Variants in RARS1 observed in about 807,000 individuals in gnomAD.
The protein encoded by RARS1 is arginyl-tRNA synthetase 1.
Under a neutral mutation model 78.7 loss-of-function variants are expected in RARS1, and 75 were observed. The ratio of observed to expected loss-of-function variants is 0.95; its 90% confidence interval spans 0.79 to 1.15. The LOEUF (loss-of-function observed/expected upper bound fraction) is 1.15, where lower values mean the gene tolerates loss of function less well. RARS1 is among the 50% of genes most tolerant of loss of function. The pLI, the probability that RARS1 is intolerant of heterozygous loss-of-function variation, is 0.00. For synonymous variants in RARS1, 273 were observed against 268.2 expected, an observed-to-expected ratio of 1.02 and a Z score of -0.18; for missense variants, 787 against 787.5, an observed-to-expected ratio of 1.00 and a Z score of 0.01.
chr5:168,496,045 T>TC (rs1480342866), intron 6 of RARS1, among the ~76,000 whole-genome samples: 1 of 152,092 alleles, frequency 6.6e-6, no homozygotes, highest in Non-Finnish European at 1.5e-5. Flanking sequence ...ATTACTCTGG[T>TC]TACTTACTGT....
At position 168,517,977 on chromosome 5, in the gene RARS1, T is replaced by A. The variant is rs768219879; in HGVS notation, c.1788T>A (p.Thr596=). ...TTTTAGATGACTTATTTCTCCACACTCTCTGTGATTATATATATGAGCTGG... is the reference window on the plus strand; with the variant it reads ...TTTTAGATGACTTATTTCTCCACACACTCTGTGATTATATATATGAGCTGG... ...QKILDDLFLH[T]LCDYIYELAT... is the part of the protein sequence containing the mutation. Residue 596 remains threonine, a synonymous_variant, in exon 14 of 15, where the codon ACT becomes ACA. Coordinates refer to ENST00000231572, the MANE Select transcript of RARS1 (RefSeq NM_002887.4). 6.2e-7 allele frequency: 1 copy of A among 1,612,874 alleles called. No individual in the cohort carries two copies. The highest frequency in any genetic ancestry group is 8.5e-7 in the Non-Finnish European group (1 of 1,179,502).
At chr5:168,509,751 C>G (rs894509286) in intron 11 of RARS1, among the ~76,000 whole-genome samples, 1 of 151,172 alleles carries the variant, frequency 6.6e-6, no homozygotes, top group Non-Finnish European at 1.5e-5. Context: ...GGGAGGATCA[C>G]TTGAGACCAG....
Position 168,495,319 on chromosome 5 carries a change from T to C in RARS1, c.584T>C (p.Ile195Thr), listed in dbSNP as rs1181756482. 6.2e-7 allele frequency: 1 copy of C among 1,613,802 alleles called. No individual in the cohort carries two copies. The highest frequency in any genetic ancestry group is 1.1e-5 in the South Asian group (1 of 91,058). The change falls in exon 6 of 15, where the codon ATA becomes ACA. Residue 195 changes from isoleucine (I) to threonine (T), a missense_variant. Coordinates refer to ENST00000231572, the MANE Select transcript of RARS1 (RefSeq NM_002887.4). ...TTCTCTTTTTGTCTACCCCAGGTTATAGTTGACTTTTCCTCCCCTAATATA... is the reference window on the plus strand; with the variant it reads ...TTCTCTTTTTGTCTACCCCAGGTTACAGTTGACTTTTCCTCCCCTAATATA... ...LPALGENKKV[I>T]VDFSSPNIAK...
rs571921845 is a variant in RARS1 at position 168,518,529 on chromosome 5, A to AC, written c.1873+467_1873+468insC. On this transcript the variant is annotated intron_variant, in intron 14 of 14. Coordinates refer to ENST00000231572, the MANE Select transcript of RARS1 (RefSeq NM_002887.4). The stretch of plus-strand genomic sequence containing the variant: ...CAATTGGAAGATGACTGAGAGTAGG[A>AC]TTTTTCCAACAAACACAATGTGTTT... 3.0e-4 allele frequency among the ~76,000 whole-genome samples: 45 copies of AC among 152,182 alleles called. No homozygotes were observed. The East Asian group carries it at 8.1e-3, about 27-fold the overall frequency.
chr5:168,516,801 T>C lies in RARS1; in HGVS notation c.1476T>C (p.Asn492=). The part of the protein sequence containing the change: ...RDKVLTAEEL[N]AAQTSVAYGC... ...AGGTCTTAACTGCAGAGGAATTGAA[T>C]GCTGCTCAGACATCCGTTGCGTATG... The change falls in exon 13 of 15, where the codon AAT becomes AAC. Residue 492 remains asparagine, a synonymous_variant. Transcript: ENST00000231572. 2 of 1,614,192 alleles carry C rather than the reference T, an allele frequency of 1.2e-6. No homozygotes were observed. Among genetic ancestry groups the C allele is most frequent in the Non-Finnish European group, 1.7e-6 (2 of 1,180,038 alleles).
At position 168,507,003 on chromosome 5, in the gene RARS1, A is replaced by G. The variant is rs113378496; in HGVS notation, c.1346+172A>G. 1.9e-4 allele frequency among the ~76,000 whole-genome samples: 29 copies of G among 152,320 alleles called. 1 individual carries two copies. The highest frequency in any genetic ancestry group is 6.5e-4 in the African/African-American group (27 of 41,578). On this transcript the variant is annotated intron_variant, in intron 11 of 14. Transcript: ENST00000231572. The stretch of plus-strand genomic sequence containing the variant: ...GTATCTATATCATCACTGCCAGGGA[A>G]TGTAGCCTTTTAGGTAGATAGTATG...
At chr5:168,518,083 T>TTTTTTTTTTTTTA in intron 14 of RARS1, 21 bp downstream of exon 14, 1 of 1,426,426 alleles carries the variant, frequency 7.0e-7, no homozygotes, top group Non-Finnish European at 9.1e-7. Flanking sequence ...TTTTTTTTTT[T>TTTTTTTTTTTTTA]TTTTTTTTTT....
At position 168,500,716 on chromosome 5, in the gene RARS1, C is replaced by T; in HGVS notation, c.948C>T (p.Arg316=). 1 of 1,610,264 alleles carries T rather than the reference C, an allele frequency of 6.2e-7. No individual in the cohort carries two copies. The highest frequency in any genetic ancestry group is 1.1e-5 in the South Asian group (1 of 90,342). ...KAWKLICDVS[R]QELNKIYDAL... Reference sequence around the variant, plus strand: ...GGAAGCTTATCTGTGATGTCTCCCGCCAAGGTGAGTTTCTGGGCTTTGTTC... The same window carrying T: ...GGAAGCTTATCTGTGATGTCTCCCGTCAAGGTGAGTTTCTGGGCTTTGTTC... Residue 316 remains arginine, a synonymous_variant, in exon 8 of 15, where the codon CGC becomes CGT. Coordinates refer to ENST00000231572, the MANE Select transcript of RARS1 (RefSeq NM_002887.4).
In RARS1 at chr5:168,491,946, C is replaced by CTT. The variant is rs149780336; in HGVS notation, c.181-691_181-690dup. On this transcript the variant is annotated intron_variant, in intron 2 of 14. Coordinates refer to ENST00000231572, the MANE Select transcript of RARS1 (RefSeq NM_002887.4). ...TATTAAAAGCATATGTGTCATTCAC[C>CTT]TTTTTTTTTTTTTTTTTTTTTTTGC... Among the ~76,000 whole-genome samples the CTT allele has an allele frequency of 2.6e-3, 266 of 102,590 alleles. 1 individual carries two copies. Among genetic ancestry groups the CTT allele is most frequent in the Non-Finnish European group, 3.0e-3 (160 of 53,076 alleles). The allele number at this position is 102,590 out of a possible 152,430, so 67.3% of individuals were successfully genotyped here. A position where few individuals can be genotyped will look rare whatever the true frequency, so the allele number is the denominator to read the frequency against.
chr5:168,507,088 C>G (rs1479194545), intron 11 of RARS1, among the ~76,000 whole-genome samples: 1 of 152,216 alleles, frequency 6.6e-6, no homozygotes, highest in Non-Finnish European at 1.5e-5. Flanking sequence ...GGGGTTTCCT[C>G]TCCCACAAAT....
chr5:168,498,047 G>A (rs901059849), intron 7 of RARS1: 3 of 152,028 alleles, frequency 2.0e-5, no homozygotes, highest in African/African-American at 7.2e-5. Flanking sequence ...GAGCAACAAA[G>A]TGAGATCCCA....
intron 12 of RARS1, among the ~76,000 whole-genome samples, chr5:168,515,590 C>T (rs1758649385): frequency 6.6e-6 from 1 of 152,244 alleles, no homozygotes; most frequent in South Asian, 2.1e-4. Flanking sequence ...TTCTAGCCCA[C>T]AGGTAGCATA....
rs565229680 is a variant in RARS1, at chr5:168,495,234, G to A, written c.580-81G>A. The A allele has an allele frequency of 5.2e-5, 79 of 1,511,208 alleles. No homozygotes were observed. In the South Asian group the frequency reaches 9.5e-4, roughly 18 times the overall value. 93.6% of individuals were successfully genotyped at this position (1,511,208 alleles called of 1,614,324 possible). On this transcript the variant is annotated intron_variant, in intron 5 of 14. Coordinates refer to ENST00000231572, the MANE Select transcript of RARS1 (RefSeq NM_002887.4). ...ATTAATGAATGCATTGGAACAAAAT[G>A]TTTATGCTCCTCTTAAAAAAATCTT...
In RARS1 at chr5:168,500,735, T is replaced by C; in HGVS notation, c.952+15T>C. 1 of 1,606,348 alleles carries C rather than the reference T, an allele frequency of 6.2e-7. No homozygotes were observed. Among genetic ancestry groups the C allele is most frequent in the East Asian group, 2.2e-5 (1 of 44,552 alleles). On this transcript the variant is annotated intron_variant, in intron 8 of 14. Coordinates refer to ENST00000231572, the MANE Select transcript of RARS1 (RefSeq NM_002887.4). ...CTCCCGCCAAGGTGAGTTTCTGGGCTTTGTTCCTTCGTCCAGCAAATACTA... is the reference window on the plus strand; with the variant it reads ...CTCCCGCCAAGGTGAGTTTCTGGGCCTTGTTCCTTCGTCCAGCAAATACTA...
chr5:168,495,449 G>C lies in RARS1; in HGVS notation c.701+13G>C, dbSNP rs767710284. 2.5e-6 allele frequency: 4 copies of C among 1,608,490 alleles called. No homozygotes were observed. Among genetic ancestry groups the C allele is most frequent in the Non-Finnish European group, 3.4e-6 (4 of 1,176,538 alleles). ...ATGACGTGCTCAGGTATGTGCTCTT[G>C]CCTTGCGTACTATTCTCTTTCCTTA... On this transcript the variant is annotated intron_variant, in intron 6 of 14. Coordinates refer to ENST00000231572, the MANE Select transcript of RARS1 (RefSeq NM_002887.4).
At position 168,488,638 on chromosome 5, in the gene RARS1, C is replaced by A. The variant is rs200285372; in HGVS notation, c.82C>A (p.Arg28=). ...EIKSLTAEID[R]LKNCGCLGAS... is the part of the protein sequence containing the mutation. ...TAAATCTCTGACTGCTGAAATTGAC[C>A]GGTTGAAAAACTGTGGCTGTTTAGG... The change falls in exon 2 of 15, where the codon CGG becomes AGG. Residue 28 remains arginine, a synonymous_variant. Transcript: ENST00000231572. The A allele has an allele frequency of 6.2e-7, 1 of 1,609,766 alleles. No individual in the cohort carries two copies. The highest frequency in any genetic ancestry group is 1.1e-5 in the South Asian group (1 of 89,706).
At chr5:168,500,768 C>A in intron 8 of RARS1, 48 bp downstream of exon 8, 12 of 1,578,060 alleles carry the variant, frequency 7.6e-6, no homozygotes, top group Non-Finnish European at 1.0e-5. Context: ...CTATGTATAT[C>A]ATTTCCTGGA....
chr5:168,518,959 CA>C, intron 14 of RARS1, 121 bp from the exon 15 acceptor site: 1 of 663,124 alleles, frequency 1.5e-6, no homozygotes, highest in Non-Finnish European at 2.5e-6. Flanking sequence ...AGTTAAAACC[CA>C]AAAACATCTG....
intron 8 of RARS1, among the ~76,000 whole-genome samples, chr5:168,501,306 A>G (rs370475104): frequency 1.4e-4 from 22 of 152,238 alleles, no homozygotes; most frequent in East Asian, 5.8e-4. Context: ...TCATTGATGT[A>G]TTGCTACATA....
Sources: allele counts gnomAD v4.1 joint callset (sites outside exome capture counted in the v4.1 genomes callset), GRCh38; gene constraint gnomAD v4.1.1; transcripts MANE v1.5; gene names NCBI Gene and HGNC (gene_info 2026-07-23, HGNC 2026-07-21).